FAM110B: variants seen among roughly 807,000 people sequenced by gnomAD.
FAM110B encodes protein FAM110B.
In FAM110B, 6 loss-of-function variants were observed where a neutral mutation model predicts 20.4. The ratio of observed to expected loss-of-function variants is 0.29; its 90% CI spans 0.16 to 0.58. FAM110B has a LOEUF of 0.58. FAM110B is among the 20% of genes least tolerant of loss of function. The pLI is 0.90. For synonymous variants in FAM110B, 226 were observed against 214.1 expected, an observed-to-expected ratio of 1.06 and a Z score of -0.49; for missense variants, 434 against 498.2, an observed-to-expected ratio of 0.87 and a Z score of 1.23.
chr8:58,109,029 C>T (rs1806988894), intron 3 of FAM110B, among the ~76,000 whole-genome samples: 1 of 152,292 alleles, frequency 6.6e-6, no homozygotes, highest in Non-Finnish European at 1.5e-5. Context: ...CTGGGCTTAG[C>T]CAGTAAATAG....
intron 3 of FAM110B, among the ~76,000 whole-genome samples, chr8:58,127,854 A>T (rs999584644): frequency 4.6e-5 from 7 of 152,236 alleles, no homozygotes; most frequent in Non-Finnish European, 8.8e-5. Context: ...GGAAGGCTCA[A>T]CCTAGTGAAG....
chr8:58,100,113 A>G (rs1433202471), intron 3 of FAM110B, among the ~76,000 whole-genome samples: 2 of 152,148 alleles, frequency 1.3e-5, no homozygotes, highest in Non-Finnish European at 2.9e-5. Flanking sequence ...TTGTAGGGAA[A>G]TCTTTTGGAA....
chr8:58,055,796 C>G (rs1278592090), intron 2 of FAM110B, among the ~76,000 whole-genome samples: 1 of 152,210 alleles, frequency 6.6e-6, no homozygotes, highest in Non-Finnish European at 1.5e-5. Context: ...GACACCTGTT[C>G]ATGTGCTCTA....
chr8:57,996,697 C>T (rs1323728504), intron 1 of FAM110B, among the ~76,000 whole-genome samples: 1 of 152,166 alleles, frequency 6.6e-6, no homozygotes, highest in Non-Finnish European at 1.5e-5. Context: ...CCTTACCTCC[C>T]CTGCACTCCC....
intron 1 of FAM110B, among the ~76,000 whole-genome samples, chr8:58,014,076 C>T (rs1410709730): frequency 6.6e-6 from 1 of 152,100 alleles, no homozygotes; most frequent in Non-Finnish European, 1.5e-5. Context: ...AAGGCCCGAG[C>T]CAAACTAGAA....
At chr8:58,069,200 T>C (rs570543650) in intron 2 of FAM110B, among the ~76,000 whole-genome samples, 1 of 152,300 alleles carries the variant, frequency 6.6e-6, no homozygotes, top group African/African-American at 2.4e-5. Context: ...TGAGGTACTC[T>C]CTTGAGTGCT....
chr8:58,079,814 AT>A (rs1806145189), intron 3 of FAM110B, among the ~76,000 whole-genome samples: 1 of 152,128 alleles, frequency 6.6e-6, no homozygotes, highest in African/African-American at 2.4e-5. Flanking sequence ...ACATATTAAA[AT>A]TTTTTAAATC....
intron 2 of FAM110B, among the ~76,000 whole-genome samples, chr8:58,044,791 G>A (rs1017456635): frequency 7.2e-5 from 11 of 152,176 alleles, no homozygotes; most frequent in Admixed American, 2.6e-4. Context: ...TTAATGAAGA[G>A]CATTGTGGTT....
intron 2 of FAM110B, among the ~76,000 whole-genome samples, chr8:58,037,396 GA>G (rs1415504939): frequency 6.6e-6 from 1 of 151,456 alleles, no homozygotes; most frequent in Non-Finnish European, 1.5e-5. Context: ...AACACTTTAG[GA>G]GGCCAAATTG....
chr8:58,046,390 C>T (rs1046297165), intron 2 of FAM110B, among the ~76,000 whole-genome samples: 1 of 152,116 alleles, frequency 6.6e-6, no homozygotes, highest in African/African-American at 2.4e-5. Context: ...GAAGAGTGCC[C>T]ATTTCACAGA....
At chr8:58,097,237 G>A (rs567368422) in intron 3 of FAM110B, among the ~76,000 whole-genome samples, 16 of 152,142 alleles carry the variant, frequency 1.1e-4, no homozygotes, top group East Asian at 1.9e-4. Context: ...GGCTTTGTTC[G>A]TTCCTTTTCA....
intron 2 of FAM110B, among the ~76,000 whole-genome samples, chr8:58,034,807 C>T (rs768983436): frequency 2.0e-5 from 3 of 152,092 alleles, no homozygotes; most frequent in Non-Finnish European, 2.9e-5. Flanking sequence ...TTGTGCTGGG[C>T]GCATAGTGCA....
At chr8:58,024,995 A>G (rs1368762151) in intron 1 of FAM110B, among the ~76,000 whole-genome samples, 1 of 152,144 alleles carries the variant, frequency 6.6e-6, no homozygotes, top group Non-Finnish European at 1.5e-5. Flanking sequence ...CTGCTGCATA[A>G]CCCACGTTGA....
At chr8:58,044,927 C>T (rs80039291) in intron 2 of FAM110B, among the ~76,000 whole-genome samples, 1,537 of 152,236 alleles carry the variant, frequency 0.01, 20 homozygotes, top group East Asian at 0.062. Context: ...AGTTATGTAG[C>T]ATTTATACTA....
chr8:58,067,395 T>A (rs1805794249), intron 2 of FAM110B, among the ~76,000 whole-genome samples: 1 of 152,182 alleles, frequency 6.6e-6, no homozygotes, highest in Non-Finnish European at 1.5e-5. Context: ...GAAGCTGTGG[T>A]CAGACCCTCA....
intron 2 of FAM110B, among the ~76,000 whole-genome samples, chr8:58,063,736 A>G (rs987534729): frequency 2.6e-5 from 4 of 152,156 alleles, no homozygotes; most frequent in East Asian, 1.9e-4. Context: ...ATATTTTCCT[A>G]TAATAGGACT....
chr8:58,045,133 C>T (rs71519495), intron 2 of FAM110B, among the ~76,000 whole-genome samples: 4,312 of 145,984 alleles, frequency 0.03, 133 homozygotes, highest in Non-Finnish European at 0.039. Flanking sequence ...GTTATTGACA[C>T]CTTTATTAAG....
At chr8:58,060,662 T>C (rs552331945) in intron 2 of FAM110B, among the ~76,000 whole-genome samples, 178 of 152,278 alleles carry the variant, frequency 1.2e-3, no homozygotes, top group African/African-American at 4.1e-3. Flanking sequence ...AAAAGTAAAA[T>C]GACAGGGAAG....
intron 2 of FAM110B, among the ~76,000 whole-genome samples, chr8:58,067,758 T>C (rs561019544): frequency 1.0e-3 from 154 of 152,338 alleles, no homozygotes; most frequent in African/African-American, 3.6e-3. Flanking sequence ...TTACACATAG[T>C]AAGGGCCTAA....
Sources: gnomAD v4.1 joint callset for allele counts (sites outside exome capture counted in the v4.1 genomes callset) on GRCh38, gnomAD v4.1.1 for gene constraint, MANE v1.5 for transcripts, NCBI Gene and HGNC (gene_info 2026-07-23, HGNC 2026-07-21) for gene names.